Variants in RASGRP2 observed in about 807,000 individuals in gnomAD.
The protein encoded by RASGRP2 is RAS guanyl releasing protein 2, also known as RAS guanyl-releasing protein 2.
Under a neutral mutation model 71.0 loss-of-function variants are expected in RASGRP2, and 44 were observed. The ratio of observed to expected loss-of-function variants is 0.62; its 90% CI spans 0.49 to 0.80. The LOEUF (loss-of-function observed/expected upper bound fraction) is 0.80, where lower values mean the gene tolerates loss of function less well. Ranked by LOEUF, RASGRP2 falls within the 30% of genes least tolerant of loss-of-function variation. RASGRP2 has a pLI of 0.00. For synonymous variants in RASGRP2, 350 were observed against 330.7 expected, an observed-to-expected ratio of 1.06 and a Z score of -0.63; for missense variants, 663 against 813.4, an observed-to-expected ratio of 0.82 and a Z score of 2.25.
chr11:64,743,577 T>G lies in RASGRP2; in HGVS notation c.-72+426A>C. ...GGCCAGGAGGCGTCAGCGGGAAGCC[T>G]GAGCCTGGGAACTGAGCGCTCCCAG... On this transcript the variant is annotated intron_variant, in intron 1 of 16. Coordinates refer to ENST00000394432, the MANE Select transcript of RASGRP2 (RefSeq NM_001098671.2). The surrounding 1 kb of genome is among the most constrained non-coding windows in gnomAD (Gnocchi z 4.9). The G allele has an allele frequency of 2.8e-6, 1 of 353,046 alleles. No homozygotes were observed. Among genetic ancestry groups the G allele is most frequent in the Non-Finnish European group, 5.5e-6 (1 of 182,694 alleles). 21.9% of individuals were successfully genotyped at this position (353,046 alleles called of 1,614,324 possible).
At chr11:64,740,753 TG>T in intron 5 of RASGRP2, 194 bp downstream of exon 5, 1 of 729,262 alleles carries the variant, frequency 1.4e-6, no homozygotes. Flanking sequence ...GTGGGATGGG[TG>T]GTGGCAGTGG....
intron 16 of RASGRP2, 22 bp downstream of exon 16, chr11:64,727,274 T>G (rs965626194): frequency 6.2e-7 from 1 of 1,610,362 alleles, no homozygotes; most frequent in African/African-American, 1.3e-5. Flanking sequence ...GGAGCTCTGG[T>G]GCCAGCTGTG....
Position 64,736,974 on chromosome 11 carries a change from G to A in RASGRP2, c.874C>T (p.Arg292Trp), listed in dbSNP as rs766285452. The change falls in exon 9 of 17, where the codon CGG (arginine) becomes TGG (tryptophan). Residue 292 changes from arginine to tryptophan, a missense_variant. Physicochemically the swap from Arg to Trp is moderately radical, Grantham distance 101. Coordinates refer to ENST00000394432, the MANE Select transcript of RASGRP2 (RefSeq NM_001098671.2). ...CGGAAGCCCACACAGGCTGCCAGCC[G>A]ACGCCGGTAGTTGCCATAGTTGCCT... ...ATGNYGNYRR[R>W]LAACVGFRFP... The A allele has an allele frequency of 1.9e-5, 30 of 1,613,884 alleles. No individual in the cohort carries two copies. The East Asian group carries it at 3.3e-4, about 18-fold the overall frequency.
chr11:64,740,364 G>A lies in RASGRP2; in HGVS notation c.372-201C>T, dbSNP rs543702962. 9.1e-4 allele frequency: 655 copies of A among 720,014 alleles called. 12 individuals carry two copies. Among genetic ancestry groups the A allele is most frequent in the South Asian group, 9.0e-3 (605 of 67,026 alleles). The allele number at this position is 720,014 out of a possible 1,614,324, so 44.6% of individuals were successfully genotyped here. On this transcript the variant is annotated intron_variant, in intron 5 of 16. Transcript: ENST00000394432. ...CACTCAACACACATTTATGAACAAC[G>A]TACTCTGTGCCAGGCACTGTGCTAG...
intron 3 of RASGRP2, among the ~76,000 whole-genome samples, chr11:64,741,771 C>T (rs1276116134): frequency 6.6e-6 from 1 of 152,160 alleles, no homozygotes; most frequent in African/African-American, 2.4e-5. Flanking sequence ...AGGCCCCAGA[C>T]TCTAGGGAGA....
At chr11:64,729,907 G>A (rs957120247) in intron 13 of RASGRP2, 109 bp from the exon 14 acceptor site, 5 of 1,570,182 alleles carry the variant, frequency 3.2e-6, no homozygotes, top group Non-Finnish European at 4.4e-6. Context: ...CAGGGCCCCG[G>A]GCAGAACCAC....
chr11:64,741,959 C>T (rs2058137869), intron 3 of RASGRP2, 51 bp downstream of exon 3: 3 of 1,480,050 alleles, frequency 2.0e-6, no homozygotes, highest in African/African-American at 1.4e-5. Flanking sequence ...GGCAGAGGGG[C>T]TGCGCATGGG....
Position 64,737,038 on chromosome 11 carries a change from G to T in RASGRP2, c.814-4C>A. ...GTTCCGTGAGACCCTCCCAGAGCTG[G>T]GGACAAAGGACAGAGGAGTCATACC... is the stretch of plus-strand genomic sequence containing the variant. On this transcript the variant is annotated splice_polypyrimidine_tract_variant and splice_region_variant and intron_variant, in intron 8 of 16. Coordinates refer to ENST00000394432, the MANE Select transcript of RASGRP2 (RefSeq NM_001098671.2). 1 of 1,613,698 alleles carries T rather than the reference G, an allele frequency of 6.2e-7. No individual in the cohort carries two copies. Among genetic ancestry groups the T allele is most frequent in the African/African-American group, 1.3e-5 (1 of 75,028 alleles).
At chr11:64,734,770 A>T (rs968803413) in intron 12 of RASGRP2, among the ~76,000 whole-genome samples, 1 of 152,148 alleles carries the variant, frequency 6.6e-6, no homozygotes, top group Non-Finnish European at 1.5e-5. Flanking sequence ...TTTCTTATCT[A>T]TTCATTAGAA....
chr11:64,735,373 C>T lies in RASGRP2; in HGVS notation c.1297-146G>A. The T allele has an allele frequency of 1.5e-5, 20 of 1,350,632 alleles. No homozygotes were observed. The highest frequency in any genetic ancestry group is 2.0e-5 in the Non-Finnish European group (19 of 951,616). The allele number at this position is 1,350,632 out of a possible 1,614,324, so 83.7% of individuals were successfully genotyped here. A position where few individuals can be genotyped will look rare whatever the true frequency, so the allele number is the denominator to read the frequency against. Reference sequence around the variant, plus strand: ...ACCACCCCCGTTCCATACCTCCACCCCCACCCTACCCAGGGGCACTTCAGC... The same window carrying T: ...ACCACCCCCGTTCCATACCTCCACCTCCACCCTACCCAGGGGCACTTCAGC... On this transcript the variant is annotated intron_variant, in intron 11 of 16. Transcript: ENST00000394432. The surrounding 1 kb of genome is among the most constrained non-coding windows in gnomAD (Gnocchi z 4.2).
At chr11:64,734,436 A>C (rs2057865248) in intron 12 of RASGRP2, among the ~76,000 whole-genome samples, 1 of 152,052 alleles carries the variant, frequency 6.6e-6, no homozygotes, top group Admixed American at 6.6e-5. Context: ...TACAGGCGTG[A>C]GGCACCGCAC....
At chr11:64,733,107 AGAGT>A (rs1352802436) in intron 12 of RASGRP2, among the ~76,000 whole-genome samples, 2 of 152,078 alleles carry the variant, frequency 1.3e-5, no homozygotes, top group African/African-American at 4.8e-5. Flanking sequence ...CCTGAGCGAC[AGAGT>A]GAGACTCTGT....
chr11:64,736,729 A>T (rs909356474), intron 9 of RASGRP2, 24 bp downstream of exon 9: 7 of 1,559,214 alleles, frequency 4.5e-6, no homozygotes, highest in Non-Finnish European at 6.1e-6. Flanking sequence ...CCAGCTCCCC[A>T]CCTCCCTGCC....
intron 12 of RASGRP2, among the ~76,000 whole-genome samples, chr11:64,734,239 G>A (rs1057375255): frequency 9.2e-5 from 14 of 151,754 alleles, no homozygotes; most frequent in African/African-American, 3.4e-4. Flanking sequence ...TTGAACCCAG[G>A]AAGTGGAGGT....
intron 16 of RASGRP2, 47 bp downstream of exon 16, chr11:64,727,249 C>G (rs780958060): frequency 1.7e-4 from 268 of 1,546,086 alleles, no homozygotes; most frequent in South Asian, 8.5e-4. Flanking sequence ...CCAGCTCCCC[C>G]CCAGCCCTCA....
intron 16 of RASGRP2, 59 bp downstream of exon 16, chr11:64,727,237 C>A (rs1424856896): frequency 6.7e-7 from 1 of 1,503,122 alleles, no homozygotes; most frequent in Non-Finnish European, 9.3e-7. Context: ...CCCTGATACT[C>A]CCCAGCTCCC....
intron 13 of RASGRP2, 88 bp downstream of exon 13, chr11:64,729,965 G>A: frequency 6.6e-7 from 1 of 1,526,416 alleles, no homozygotes; most frequent in Admixed American, 2.0e-5. Flanking sequence ...CTTGAGAAGG[G>A]CTCTGGCAGA....
chr11:64,737,863 C>T (rs1285707871), intron 8 of RASGRP2, among the ~76,000 whole-genome samples: 5 of 151,108 alleles, frequency 3.3e-5, no homozygotes, highest in East Asian at 2.0e-4. Context: ...AGACCAGCCT[C>T]GGCAACATGG....
At position 64,729,807 on chromosome 11, in the gene RASGRP2, G is replaced by C. The variant is rs988014245; in HGVS notation, c.1555-9C>G. ...TTGTAGATGCCCAGGATCTGCAATA[G>C]AGGAGGGGCCGTGGTGGGAGGAGGG... On this transcript the variant is annotated splice_polypyrimidine_tract_variant and intron_variant, in intron 13 of 16. Transcript: ENST00000394432. The C allele has an allele frequency of 6.2e-7, 1 of 1,614,116 alleles. No homozygotes were observed. The highest frequency in any genetic ancestry group is 1.1e-5 in the South Asian group (1 of 91,078).
Sources: allele counts gnomAD v4.1 joint callset (sites outside exome capture counted in the v4.1 genomes callset), GRCh38; gene constraint gnomAD v4.1.1; non-coding constraint Gnocchi (gnomAD v3.1); transcripts MANE v1.5; gene names NCBI Gene and HGNC (gene_info 2026-07-23, HGNC 2026-07-21).